MRPS25: variants seen among roughly 807,000 people sequenced by gnomAD.
MRPS25 encodes mitochondrial ribosomal protein S25.
A neutral mutation model predicts 17.3 loss-of-function variants in MRPS25; 15 were observed. That is an observed-to-expected ratio of 0.87 (90% CI 0.58 to 1.34). The LOEUF (loss-of-function observed/expected upper bound fraction) is 1.34, where lower values mean the gene tolerates loss of function less well. Ranked by LOEUF, MRPS25 falls within the 40% of genes most tolerant of loss-of-function variation. The probability of loss-of-function intolerance (pLI) is 0.00; values close to 1 mark genes in which losing one functional copy is unlikely to be tolerated. For synonymous variants in MRPS25, 94 were observed against 83.3 expected (o/e 1.13, Z -0.70); for missense variants, 225 against 218.6 (o/e 1.03, Z -0.19).
At chr3:15,046,144 A>AG (rs1316916641), downstream of MRPS25, 2 of 152,194 alleles carry the variant, frequency 1.3e-5, no homozygotes, top group Admixed American at 6.5e-5. Flanking sequence ...CTGTGTCCTG[A>AG]GGAGTTACAT....
intron 2 of MRPS25, 37 bp downstream of exon 2, chr3:15,059,332 G>T: frequency 7.1e-7 from 1 of 1,400,420 alleles, no homozygotes; most frequent in Non-Finnish European, 1.0e-6. Flanking sequence ...AGGCATGTCT[G>T]GGACAGCCCC....
Position 15,065,071 on chromosome 3 carries a change from C to A in MRPS25, c.124G>T (p.Glu42Ter), listed in dbSNP as rs1211880531. Reference sequence around the variant, plus strand: ...GGGGCTGCGACTGACCTGGCGCCCTCGCCCAGCTCCCCATGCGTGTTGTAA... The same window carrying A: ...GGGGCTGCGACTGACCTGGCGCCCTAGCCCAGCTCCCCATGCGTGTTGTAA... Reference protein sequence around the residue: ...VNYNTHGELGEGARKFVFFNI... With the variant: ...VNYNTHGELG Residue 42 changes from glutamate (E) to a stop codon, truncating the protein, a stop_gained, in exon 1 of 4, where the codon GAG becomes TAG. Transcript: ENST00000253686. LOFTEE classifies it high-confidence loss of function. 2 of 1,593,904 alleles carry A rather than the reference C, an allele frequency of 1.3e-6. No individual in the cohort carries two copies. Among genetic ancestry groups the A allele is most frequent in the Admixed American group, 3.5e-5 (2 of 57,122 alleles).
chr3:15,047,458 C>A (rs186706035), downstream of MRPS25: 1 of 152,236 alleles, frequency 6.6e-6, no homozygotes, highest in Non-Finnish European at 1.5e-5. Flanking sequence ...TGCACCTATT[C>A]ATGGCCCTAC....
intron 1 of MRPS25, among the ~76,000 whole-genome samples, chr3:15,061,432 G>A (rs1467695351): frequency 2.0e-5 from 3 of 152,234 alleles, no homozygotes; most frequent in Non-Finnish European, 2.9e-5. Context: ...TGGCCGGGCT[G>A]GTCTCCAGCT....
In MRPS25 at chr3:15,052,498, T is replaced by C. The variant is rs1245027742; in HGVS notation, c.465A>G (p.Leu155=). Residue 155 remains leucine, a synonymous_variant, in exon 4 of 4, where the codon TTA becomes TTG. Coordinates refer to ENST00000253686, the MANE Select transcript of MRPS25 (RefSeq NM_022497.5). ...GQVPCPSLVP[L]PKEMRGKYKA... ...TGTACTTCCCCCTCATCTCCTTGGGTAATGGCACCAGGCTGGGGCAGGGCA... is the reference window on the plus strand; with the variant it reads ...TGTACTTCCCCCTCATCTCCTTGGGCAATGGCACCAGGCTGGGGCAGGGCA... 4 of 1,614,008 alleles carry C rather than the reference T, an allele frequency of 2.5e-6. No homozygotes were observed. In the African/African-American group the frequency reaches 5.3e-5, roughly 22 times the overall value.
intron 2 of MRPS25, 45 bp downstream of exon 2, chr3:15,059,324 G>C (rs746753709): frequency 4.9e-5 from 64 of 1,309,828 alleles, no homozygotes; most frequent in Non-Finnish European, 6.3e-5. Context: ...GTCTCTCCAG[G>C]CATGTCTGGG....
At chr3:15,044,508 T>C (rs1015621325), downstream of MRPS25, 13 of 152,298 alleles carry the variant, frequency 8.5e-5, no homozygotes, top group Admixed American at 6.5e-4. Flanking sequence ...TTCCCACGGA[T>C]GTGAATATAT....
rs1252573411 is a variant in MRPS25, at chr3:15,050,164, AAG to A, written c.*2275_*2276del. Reference sequence around the variant, plus strand: ...TCAAGTAGCCTACAGGGAACAAAAAAAGAAAATAATGTTTATTTCCACAAATT... The same window carrying A: ...TCAAGTAGCCTACAGGGAACAAAAAAAAAATAATGTTTATTTCCACAAATT... On this transcript the variant is annotated 3_prime_UTR_variant, in exon 4 of 4. Coordinates refer to ENST00000253686, the MANE Select transcript of MRPS25 (RefSeq NM_022497.5). 14 of 1,295,062 alleles carry A rather than the reference AAG, an allele frequency of 1.1e-5. No homozygotes were observed. Among genetic ancestry groups the A allele is most frequent in the Non-Finnish European group, 1.3e-5 (13 of 1,027,524 alleles). The allele number at this position is 1,295,062 out of a possible 1,614,324, so 80.2% of individuals were successfully genotyped here. A position where few individuals can be genotyped will look rare whatever the true frequency, so the allele number is the denominator to read the frequency against.
At position 15,052,212 on chromosome 3, in the gene MRPS25, A is replaced by C; in HGVS notation, c.*229T>G. 7.9e-7 allele frequency: 1 copy of C among 1,259,478 alleles called. No homozygotes were observed. The highest frequency in any genetic ancestry group is 1.0e-6 in the Non-Finnish European group (1 of 1,001,806). 78.0% of individuals were successfully genotyped at this position (1,259,478 alleles called of 1,614,324 possible). A position where few individuals can be genotyped will look rare whatever the true frequency, so the allele number is the denominator to read the frequency against. On this transcript the variant is annotated 3_prime_UTR_variant, in exon 4 of 4. Transcript: ENST00000253686. Reference sequence around the variant, plus strand: ...AGGACCAGATACACGCCAAGCTGCTATTAGGAAGCGTTTTATTGACCAGCA... The same window carrying C: ...AGGACCAGATACACGCCAAGCTGCTCTTAGGAAGCGTTTTATTGACCAGCA...
At chr3:15,043,490 A>G (rs553422580), downstream of MRPS25, 1 of 152,794 alleles carries the variant, frequency 6.5e-6, no homozygotes, top group Non-Finnish European at 1.5e-5. Context: ...GCAAATGGAA[A>G]ACTGTGTATG....
At chr3:15,044,163 A>C (rs1224059987), downstream of MRPS25, 1 of 152,216 alleles carries the variant, frequency 6.6e-6, no homozygotes, top group African/African-American at 2.4e-5. Flanking sequence ...CCGCCTGGCG[A>C]GAGTGGTTAG....
In MRPS25 at chr3:15,051,525, T is replaced by C; in HGVS notation, c.*916A>G. 1.0e-6 allele frequency: 1 copy of C among 985,392 alleles called. No individual in the cohort carries two copies. The highest frequency in any genetic ancestry group is 1.2e-6 in the Non-Finnish European group (1 of 829,900). 61.0% of individuals were successfully genotyped at this position (985,392 alleles called of 1,614,324 possible). On this transcript the variant is annotated 3_prime_UTR_variant, in exon 4 of 4. Transcript: ENST00000253686. ...AAGGTGACCCTAGAAGGCTCTGCTG[T>C]CTTCTGGAGGCTGAAACCTCCACTT... is the stretch of plus-strand genomic sequence containing the variant.
At position 15,050,564 on chromosome 3, in the gene MRPS25, G is replaced by GT. The variant is rs1159268916; in HGVS notation, c.*1876dup. The GT allele has an allele frequency of 1.8e-5, 18 of 985,416 alleles. No individual in the cohort carries two copies. The highest frequency in any genetic ancestry group is 6.0e-6 in the Non-Finnish European group (5 of 830,040). The allele number at this position is 985,416 out of a possible 1,614,324, so 61.0% of individuals were successfully genotyped here. A position where few individuals can be genotyped will look rare whatever the true frequency, so the allele number is the denominator to read the frequency against. ...GCCAAGTAGAACGCCCAGGCAGGTGGTATCAAGGTCAAGACTTCAGTCAGT... is the reference window on the plus strand; with the variant it reads ...GCCAAGTAGAACGCCCAGGCAGGTGGTTATCAAGGTCAAGACTTCAGTCAGT... On this transcript the variant is annotated 3_prime_UTR_variant, in exon 4 of 4. Coordinates refer to ENST00000253686, the MANE Select transcript of MRPS25 (RefSeq NM_022497.5).
At chr3:15,056,971 A>G (rs1420252581) in intron 2 of MRPS25, among the ~76,000 whole-genome samples, 1 of 152,216 alleles carries the variant, frequency 6.6e-6, no homozygotes, top group Non-Finnish European at 1.5e-5. Flanking sequence ...GCACTCAGGT[A>G]TACCCCCAGG....
In MRPS25 at chr3:15,061,745, G is replaced by A. The variant is rs537462263; in HGVS notation, c.135-2270C>T. The stretch of plus-strand genomic sequence containing the variant: ...TGGAAAGTGAGGAGCGTCTCTGCCC[G>A]GCCGCCCATCGTCTGAGATGTGGGG... On this transcript the variant is annotated intron_variant, in intron 1 of 3. Coordinates refer to ENST00000253686, the MANE Select transcript of MRPS25 (RefSeq NM_022497.5). Among the ~76,000 whole-genome samples the A allele has an allele frequency of 2.4e-3, 364 of 150,250 alleles. 1 individual carries two copies. Among genetic ancestry groups the A allele is most frequent in the African/African-American group, 8.3e-3 (338 of 40,772 alleles).
In MRPS25 at chr3:15,050,897, TC is replaced by T; in HGVS notation, c.*1543del. 1.0e-6 allele frequency: 1 copy of T among 985,274 alleles called. No homozygotes were observed. The highest frequency in any genetic ancestry group is 1.2e-6 in the Non-Finnish European group (1 of 829,928). 61.0% of individuals were successfully genotyped at this position (985,274 alleles called of 1,614,324 possible). On this transcript the variant is annotated 3_prime_UTR_variant, in exon 4 of 4. Transcript: ENST00000253686. ...AATCTCCAACAGTTAATGAAACACA[TC>T]GTAGTATGACATCATTTCACCAGCC... is the stretch of plus-strand genomic sequence containing the variant.
chr3:15,052,844 A>G (rs9812765), intron 3 of MRPS25, among the ~76,000 whole-genome samples: 8,555 of 152,222 alleles, frequency 0.056, 286 homozygotes, highest in East Asian at 0.13. Context: ...CCCTCACACC[A>G]CAGCAGCAAG....
At chr3:15,057,240 G>A (rs1365427768) in intron 2 of MRPS25, among the ~76,000 whole-genome samples, 3 of 152,196 alleles carry the variant, frequency 2.0e-5, no homozygotes, top group African/African-American at 2.4e-5. Flanking sequence ...GTCCCGCTGC[G>A]CTGGCCAACG....
At chr3:15,059,755 G>T (rs951147723) in intron 1 of MRPS25, among the ~76,000 whole-genome samples, 13 of 152,090 alleles carry the variant, frequency 8.5e-5, no homozygotes, top group African/African-American at 3.1e-4. Context: ...ACCATGAAAG[G>T]TACTACGTCG....
Sources: allele counts gnomAD v4.1 joint callset (sites outside exome capture counted in the v4.1 genomes callset), GRCh38; gene constraint gnomAD v4.1.1; transcripts MANE v1.5; gene names NCBI Gene and HGNC (gene_info 2026-07-23, HGNC 2026-07-21).